Variants in PTPRK observed in about 807,000 individuals in gnomAD.
The protein encoded by PTPRK is receptor-type tyrosine-protein phosphatase kappa.
PTPRK carries 75 observed loss-of-function variants against 178.0 expected under a neutral mutation model. That is an observed-to-expected ratio of 0.42 (90% CI 0.35 to 0.51). The LOEUF (loss-of-function observed/expected upper bound fraction) is 0.51, where lower values mean the gene tolerates loss of function less well. Ranked by LOEUF, PTPRK falls within the 20% of genes least tolerant of loss-of-function variation. The probability of loss-of-function intolerance (pLI) is 0.02; values close to 1 mark genes in which losing one functional copy is unlikely to be tolerated. For synonymous variants in PTPRK, 637 were observed against 620.6 expected, an observed-to-expected ratio of 1.03 and a Z score of -0.39; for missense variants, 1,441 against 1,797.8, an observed-to-expected ratio of 0.80 and a Z score of 3.59.
chr6:128,519,555 AG>A lies in PTPRK; in HGVS notation c.100+703del, dbSNP rs975297125. 3.9e-5 allele frequency among the ~76,000 whole-genome samples: 6 copies of A among 152,300 alleles called. No individual in the cohort carries two copies. The highest frequency in any genetic ancestry group is 1.4e-4 in the African/African-American group (6 of 41,570). On this transcript the variant is annotated intron_variant, in intron 1 of 29. Transcript: ENST00000368226. The surrounding 1 kb of genome is among the most constrained non-coding windows in gnomAD (Gnocchi z 4.3). ...AGGAGCGGGCTCCCACGCGCGAGTC[AG>A]GCTTCCTCCACCAGGCGCCCAGACC...
intron 11 of PTPRK, among the ~76,000 whole-genome samples, chr6:128,073,095 A>C (rs1396052694): frequency 6.6e-6 from 1 of 152,130 alleles, no homozygotes; most frequent in East Asian, 1.9e-4. Context: ...TGTTAAAAAT[A>C]GTTTTTTAGG....
chr6:128,074,135 A>G (rs933198888), intron 11 of PTPRK, among the ~76,000 whole-genome samples: 3 of 152,028 alleles, frequency 2.0e-5, no homozygotes, highest in African/African-American at 4.8e-5. Context: ...TCATGACTAT[A>G]TTTTAATTAT....
chr6:128,200,424 C>T (rs1437990630), intron 6 of PTPRK, among the ~76,000 whole-genome samples: 1 of 152,046 alleles, frequency 6.6e-6, no homozygotes, highest in East Asian at 1.9e-4. Flanking sequence ...TCCTCCACAG[C>T]ATACATTTAA....
chr6:128,353,170 A>G (rs755036973), intron 2 of PTPRK, among the ~76,000 whole-genome samples: 32 of 152,248 alleles, frequency 2.1e-4, no homozygotes, highest in Non-Finnish European at 4.3e-4. Flanking sequence ...TAAAATTTCA[A>G]TGAGATCACT....
chr6:128,200,178 T>C (rs1186848318), intron 6 of PTPRK, among the ~76,000 whole-genome samples: 1 of 152,212 alleles, frequency 6.6e-6, no homozygotes, highest in Non-Finnish European at 1.5e-5. Flanking sequence ...ACTGGAATCA[T>C]GCAAAGTTAG....
intron 13 of PTPRK, among the ~76,000 whole-genome samples, chr6:128,042,547 C>T (rs1157457787): frequency 6.6e-6 from 1 of 152,004 alleles, no homozygotes; most frequent in African/African-American, 2.4e-5. Context: ...CATCACATCC[C>T]TTCTCTGCCT....
intron 3 of PTPRK, among the ~76,000 whole-genome samples, chr6:128,318,737 G>T (rs1238501004): frequency 6.6e-6 from 1 of 152,124 alleles, no homozygotes; most frequent in Non-Finnish European, 1.5e-5. Context: ...TTAGTTTTAT[G>T]AATACAAGAC....
chr6:128,226,306 A>G (rs550920994), intron 5 of PTPRK, among the ~76,000 whole-genome samples: 2 of 152,372 alleles, frequency 1.3e-5, no homozygotes, highest in Admixed American at 6.5e-5. Context: ...GATAATCACA[A>G]TATTATGAAG....
chr6:128,138,088 C>A (rs1461166821), intron 7 of PTPRK, among the ~76,000 whole-genome samples: 1 of 151,944 alleles, frequency 6.6e-6, no homozygotes, highest in Non-Finnish European at 1.5e-5. Context: ...GGACCTGTGC[C>A]ACATGACACT....
At chr6:128,515,728 C>G (rs1857905008) in intron 1 of PTPRK, among the ~76,000 whole-genome samples, 1 of 152,088 alleles carries the variant, frequency 6.6e-6, no homozygotes, top group African/African-American at 2.4e-5. Context: ...TCCCTGTGTT[C>G]TTTGTTTTGT....
chr6:128,184,846 G>A, intron 6 of PTPRK, 121 bp from the exon 7 acceptor site: 2 of 1,033,836 alleles, frequency 1.9e-6, no homozygotes, highest in East Asian at 5.2e-5. Context: ...ATAAATACTT[G>A]AAAGAAAACT....
At chr6:127,987,882 C>A (rs1212795234) in intron 21 of PTPRK, among the ~76,000 whole-genome samples, 1 of 152,020 alleles carries the variant, frequency 6.6e-6, no homozygotes, top group Non-Finnish European at 1.5e-5. Flanking sequence ...TCACCTTTAT[C>A]ATGTTTAGGA....
chr6:128,406,428 G>T (rs1048473609), intron 1 of PTPRK, among the ~76,000 whole-genome samples: 9 of 151,942 alleles, frequency 5.9e-5, no homozygotes, highest in Non-Finnish European at 1.0e-4. Flanking sequence ...AAGAATGATG[G>T]TTTTTTTCTG....
chr6:128,087,363 T>C (rs754653614), intron 8 of PTPRK, among the ~76,000 whole-genome samples: 1 of 152,110 alleles, frequency 6.6e-6, no homozygotes, highest in African/African-American at 2.4e-5. Flanking sequence ...GTGAATATAC[T>C]TTAATAACTG....
intron 1 of PTPRK, among the ~76,000 whole-genome samples, chr6:128,506,991 C>G (rs1379970352): frequency 1.3e-5 from 2 of 152,070 alleles, no homozygotes; most frequent in South Asian, 4.1e-4. Flanking sequence ...CATTTAAGCA[C>G]TGTAACTCAA....
At chr6:128,503,605 G>T (rs958558096) in intron 1 of PTPRK, among the ~76,000 whole-genome samples, 8 of 152,250 alleles carry the variant, frequency 5.3e-5, no homozygotes, top group African/African-American at 1.9e-4. Flanking sequence ...AAACTAACAT[G>T]AAAGAAATCA....
At chr6:128,426,771 A>C (rs887729254) in intron 1 of PTPRK, among the ~76,000 whole-genome samples, 1 of 152,216 alleles carries the variant, frequency 6.6e-6, no homozygotes, top group Non-Finnish European at 1.5e-5. Context: ...TTGTCTCTAC[A>C]TAAGGTCGAC....
At chr6:128,320,638 A>C (rs1828659735) in intron 3 of PTPRK, among the ~76,000 whole-genome samples, 1 of 152,112 alleles carries the variant, frequency 6.6e-6, no homozygotes, top group South Asian at 2.1e-4. Flanking sequence ...ACTTCTTTCC[A>C]GTGCTAAGTT....
At chr6:128,446,403 G>A (rs1362663814) in intron 1 of PTPRK, among the ~76,000 whole-genome samples, 1 of 152,220 alleles carries the variant, frequency 6.6e-6, no homozygotes, top group African/African-American at 2.4e-5. Flanking sequence ...GCCAAGTACT[G>A]TACAAACCGC....
Sources: gnomAD v4.1 joint callset for allele counts (sites outside exome capture counted in the v4.1 genomes callset) on GRCh38, gnomAD v4.1.1 for gene constraint, Gnocchi (gnomAD v3.1) non-coding constraint, MANE v1.5 for transcripts, NCBI Gene and HGNC (gene_info 2026-07-23, HGNC 2026-07-21) for gene names.